The following SLC22A25 variants were observed in gnomAD, a reference collection of about 807,000 sequenced individuals.
SLC22A25 encodes solute carrier family 22 member 25.
SLC22A25 carries 44 observed loss-of-function variants against 45.9 expected under a neutral mutation model. The ratio of observed to expected loss-of-function variants is 0.96; its 90% confidence interval spans 0.75 to 1.23. The LOEUF is 1.23. Among genes scored for constraint, SLC22A25 ranks in the 50% most tolerant of loss-of-function variants. The probability of loss-of-function intolerance (pLI) is 0.00; values close to 1 mark genes in which losing one functional copy is unlikely to be tolerated. For synonymous variants in SLC22A25, 283 were observed against 238.6 expected (o/e 1.19, Z -1.72); for missense variants, 800 against 666.4 (o/e 1.20, Z -2.21).
chr11:63,209,556 G>T (rs938089867), intron 7 of SLC22A25, among the ~76,000 whole-genome samples: 1 of 152,170 alleles, frequency 6.6e-6, no homozygotes, highest in Admixed American at 6.5e-5. Flanking sequence ...ACAGGGCGAG[G>T]CAGCTGGGCA....
chr11:63,218,489 C>T (rs1441327895), intron 5 of SLC22A25, among the ~76,000 whole-genome samples: 1 of 152,090 alleles, frequency 6.6e-6, no homozygotes. Context: ...ACATGCACAC[C>T]TTGAATCTAA....
intron 7 of SLC22A25, among the ~76,000 whole-genome samples, chr11:63,197,956 C>CA (rs761523928): frequency 2.6e-5 from 4 of 151,946 alleles, no homozygotes; most frequent in African/African-American, 9.7e-5. Flanking sequence ...TTTATGCAGC[C>CA]AAAAAACACA....
chr11:63,194,057 G>A (rs919834533), intron 7 of SLC22A25, among the ~76,000 whole-genome samples: 1 of 152,088 alleles, frequency 6.6e-6, no homozygotes, highest in South Asian at 2.1e-4. Flanking sequence ...TGGAAGAAAG[G>A]GTATCAGTGA....
chr11:63,174,865 T>G (rs2088029086), intron 9 of SLC22A25, among the ~76,000 whole-genome samples: 1 of 152,128 alleles, frequency 6.6e-6, no homozygotes, highest in Non-Finnish European at 1.5e-5. Flanking sequence ...ATTTTAGATA[T>G]CTCATATAAG....
intron 3 of SLC22A25, among the ~76,000 whole-genome samples, chr11:63,235,043 AC>A (rs1247711976): frequency 6.6e-6 from 1 of 152,056 alleles, no homozygotes; most frequent in Non-Finnish European, 1.5e-5. Context: ...GGGTAACCTG[AC>A]CTTTCTCTCT....
intron 3 of SLC22A25, among the ~76,000 whole-genome samples, chr11:63,232,707 G>C: frequency 6.6e-6 from 1 of 152,178 alleles, no homozygotes; most frequent in South Asian, 2.1e-4. Context: ...CCCCTGTAGT[G>C]TGCCAGTTTT....
intron 9 of SLC22A25, among the ~76,000 whole-genome samples, chr11:63,173,907 T>C (rs1252285380): frequency 6.6e-6 from 1 of 151,658 alleles, no homozygotes; most frequent in African/African-American, 2.4e-5. Context: ...TTCTTTTTTT[T>C]TTTTTTTATT....
chr11:63,196,516 C>T (rs1418194402), intron 7 of SLC22A25, among the ~76,000 whole-genome samples: 2 of 152,174 alleles, frequency 1.3e-5, no homozygotes, highest in African/African-American at 4.8e-5. Context: ...ACATGATTAT[C>T]TCAATAGATG....
intron 9 of SLC22A25, among the ~76,000 whole-genome samples, chr11:63,179,733 T>A (rs927624679): frequency 1.3e-5 from 2 of 152,174 alleles, no homozygotes; most frequent in Non-Finnish European, 2.9e-5. Context: ...ATCAGACACA[T>A]ACTGAGCTCC....
rs2087522902 is a variant in SLC22A25, at chr11:63,160,308, G to T, written c.*3516C>A. On this transcript the variant is annotated 3_prime_UTR_variant, in exon 12 of 12. Transcript: ENST00000306494. ...TGCAGCCTTAGTGACTTGGTGCCCT[G>T]TGTCTCAGCCACTCTAGCCATGGCT... 6.6e-6 allele frequency among the ~76,000 whole-genome samples: 1 copy of T among 152,186 alleles called. No individual in the cohort carries two copies. Among genetic ancestry groups the T allele is most frequent in the Non-Finnish European group, 1.5e-5 (1 of 68,028 alleles).
intron 5 of SLC22A25, among the ~76,000 whole-genome samples, chr11:63,227,568 A>G (rs573498179): frequency 6.6e-6 from 1 of 152,292 alleles, no homozygotes; most frequent in East Asian, 1.9e-4. Context: ...CTCAAATGGA[A>G]TGAAGGAGTC....
chr11:63,232,628 C>T (rs183174693), intron 3 of SLC22A25, among the ~76,000 whole-genome samples: 263 of 152,188 alleles, frequency 1.7e-3, no homozygotes, highest in African/African-American at 5.4e-3. Context: ...CCTTTATTCC[C>T]TTCTCCTGCC....
rs933042669 is a variant in SLC22A25, at chr11:63,158,947, T to C, written c.*4877A>G. Among the ~76,000 whole-genome samples the C allele has an allele frequency of 2.6e-5, 4 of 152,192 alleles. No homozygotes were observed. The highest frequency in any genetic ancestry group is 9.7e-5 in the African/African-American group (4 of 41,450). Reference sequence around the variant, plus strand: ...TCTGGTAATCATCCTTCTCTCTCTATGTCTATGAGTTCAATTGTTTTTATT... The same window carrying C: ...TCTGGTAATCATCCTTCTCTCTCTACGTCTATGAGTTCAATTGTTTTTATT... On this transcript the variant is annotated 3_prime_UTR_variant, in exon 12 of 12. Transcript: ENST00000306494.
chr11:63,163,949 G>A lies in SLC22A25; in HGVS notation c.1519C>T (p.Leu507Phe), dbSNP rs778503639. ...PWIIYGVFAI[L>F]SGLVVLLLPE... ...AGGAGGAGGACAACAAGGCCAGAGA[G>A]GATGGCAAAGACTCCATAGATGATC... Residue 507 changes from leucine (L) to phenylalanine (F), a missense_variant, in exon 12 of 12, where the codon CTC becomes TTC. By Grantham distance (22) the Leu-to-Phe change is conservative. Transcript: ENST00000306494. The A allele has an allele frequency of 6.8e-6, 11 of 1,613,950 alleles. No homozygotes were observed. The highest frequency in any genetic ancestry group is 9.3e-6 in the Non-Finnish European group (11 of 1,179,932).
In SLC22A25 at chr11:63,212,213, G is replaced by C. The variant is rs2089587603; in HGVS notation, c.830+5101C>G. On this transcript the variant is annotated intron_variant, in intron 7 of 11. Transcript: ENST00000306494. The stretch of plus-strand genomic sequence containing the variant: ...GGAGAAATAGGAACACTTTTACACT[G>C]TTGGTGGGACTGTAAACTAGTTCAA... Among the ~76,000 whole-genome samples the C allele has an allele frequency of 4.1e-5, 4 of 97,868 alleles. No homozygotes were observed. The South Asian group carries it at 1.7e-3, about 43-fold the overall frequency. The allele number at this position is 97,868 out of a possible 152,430, so 64.2% of individuals were successfully genotyped here.
In SLC22A25 at chr11:63,229,779, T is replaced by A; in HGVS notation, c.-127A>T. On this transcript the variant is annotated 5_prime_UTR_variant, in exon 4 of 12. It removes the in-frame stop codon of an upstream open reading frame in the 5' UTR. Coordinates refer to ENST00000306494, the MANE Select transcript of SLC22A25 (RefSeq NM_199352.6). ...GTTGATCCTGACCCCACTCTCTTCT[T>A]AATGGGCCCTCTCTCCCATCTGCAG... The A allele has an allele frequency of 1.1e-6, 1 of 951,508 alleles. No homozygotes were observed. Among genetic ancestry groups the A allele is most frequent in the Non-Finnish European group, 1.5e-6 (1 of 679,610 alleles). 58.9% of individuals were successfully genotyped at this position (951,508 alleles called of 1,614,324 possible).
rs962889156 is a variant in SLC22A25, at chr11:63,190,206, T to C, written c.831-6389A>G. 2.6e-5 allele frequency among the ~76,000 whole-genome samples: 4 copies of C among 152,240 alleles called. 1 individual carries two copies. Among genetic ancestry groups the C allele is most frequent in the African/African-American group, 9.6e-5 (4 of 41,452 alleles). On this transcript the variant is annotated intron_variant, in intron 7 of 11. Transcript: ENST00000306494. ...CCAATCAGATGTAGATTTGGTCTTT[T>C]CAGATAGTCCCATATTTCCTGGAGG...
At chr11:63,204,715 G>T (rs536550145) in intron 7 of SLC22A25, among the ~76,000 whole-genome samples, 1 of 152,254 alleles carries the variant, frequency 6.6e-6, no homozygotes, top group Non-Finnish European at 1.5e-5. Context: ...AATATTGGGA[G>T]ACTTTAACAC....
chr11:63,199,138 A>G (rs1216580849), intron 7 of SLC22A25, among the ~76,000 whole-genome samples: 2 of 152,060 alleles, frequency 1.3e-5, no homozygotes, highest in East Asian at 3.9e-4. Flanking sequence ...AATTAATAAT[A>G]TATATATAGA....
Sources: gnomAD v4.1 joint callset for allele counts (sites outside exome capture counted in the v4.1 genomes callset) on GRCh38, gnomAD v4.1.1 for gene constraint, MANE v1.5 for transcripts, NCBI Gene and HGNC (gene_info 2026-07-23, HGNC 2026-07-21) for gene names.